Variants in DYNC1LI2 observed in about 807,000 individuals in gnomAD.
The protein encoded by DYNC1LI2 is cytoplasmic dynein 1 light intermediate chain 2.
In DYNC1LI2, 19 loss-of-function variants were observed where a neutral mutation model predicts 57.8. The observed-to-expected ratio is 0.33, with a 90% CI of 0.23 to 0.48. The LOEUF (loss-of-function observed/expected upper bound fraction) is 0.48. Ranked by LOEUF, DYNC1LI2 falls within the 20% of genes least tolerant of loss-of-function variation. The probability of loss-of-function intolerance (pLI) is 0.99; values close to 1 mark genes in which losing one functional copy is unlikely to be tolerated. For synonymous variants in DYNC1LI2, 256 were observed against 233.4 expected, an observed-to-expected ratio of 1.10 and a Z score of -0.88; for missense variants, 470 against 604.2, an observed-to-expected ratio of 0.78 and a Z score of 2.33.
Position 66,722,787 on chromosome 16 carries a change from C to G in DYNC1LI2, c.*935G>C, listed in dbSNP as rs942314141. 3 of 152,982 alleles carry G rather than the reference C, an allele frequency of 2.0e-5. No homozygotes were observed. Among genetic ancestry groups the G allele is most frequent in the African/African-American group, 7.2e-5 (3 of 41,418 alleles). The allele number at this position is 152,982 out of a possible 1,614,324, so 9.5% of individuals were successfully genotyped here. A position where few individuals can be genotyped will look rare whatever the true frequency, so the allele number is the denominator to read the frequency against. On this transcript the variant is annotated 3_prime_UTR_variant, in exon 13 of 13. Coordinates refer to ENST00000258198, the MANE Select transcript of DYNC1LI2 (RefSeq NM_006141.3). The stretch of plus-strand genomic sequence containing the variant: ...CGTGGCACATTGCATTATGGTAAAA[C>G]CAGAGGTTCATCACCTATTTTGTAT...
intron 3 of DYNC1LI2, among the ~76,000 whole-genome samples, chr16:66,744,458 T>C (rs1333302395): frequency 6.6e-6 from 1 of 152,220 alleles, no homozygotes; most frequent in African/African-American, 2.4e-5. Flanking sequence ...TTCACACAAA[T>C]GTGCAAGTGC....
At chr16:66,740,159 C>T (rs934665507) in intron 4 of DYNC1LI2, among the ~76,000 whole-genome samples, 1 of 152,148 alleles carries the variant, frequency 6.6e-6, no homozygotes, top group Admixed American at 6.5e-5. Flanking sequence ...GGGATGCTTT[C>T]CCTTTCACTC....
intron 5 of DYNC1LI2, 90 bp from the exon 6 acceptor site, chr16:66,734,401 TC>T: frequency 7.8e-7 from 1 of 1,287,750 alleles, no homozygotes; most frequent in East Asian, 2.4e-5. Flanking sequence ...GTATTGTGGC[TC>T]CAAAGAAGAA....
intron 10 of DYNC1LI2, 154 bp from the exon 11 acceptor site, chr16:66,727,959 T>C (rs899229538): frequency 6.9e-5 from 59 of 859,768 alleles, no homozygotes; most frequent in Non-Finnish European, 9.9e-5. Flanking sequence ...CTGGCTCTCT[T>C]TCTCCTGAGA....
chr16:66,723,670 A>T lies in DYNC1LI2; in HGVS notation c.*52T>A. 1 of 1,539,216 alleles carries T rather than the reference A, an allele frequency of 6.5e-7. No individual in the cohort carries two copies. Among genetic ancestry groups the T allele is most frequent in the South Asian group, 1.2e-5 (1 of 83,680 alleles). Reference sequence around the variant, plus strand: ...ATCAGAAAAATCCTGGTCTTAGCAGATCAATATACATAGTTATTTGGTCAT... The same window carrying T: ...ATCAGAAAAATCCTGGTCTTAGCAGTTCAATATACATAGTTATTTGGTCAT... On this transcript the variant is annotated 3_prime_UTR_variant, in exon 13 of 13. Transcript: ENST00000258198.
intron 5 of DYNC1LI2, among the ~76,000 whole-genome samples, chr16:66,734,638 G>A (rs1047664475): frequency 6.6e-6 from 1 of 151,972 alleles, no homozygotes; most frequent in African/African-American, 2.4e-5. Context: ...CTCAAGAACA[G>A]GATGAGAATG....
rs1482337441 is a variant in DYNC1LI2 at position 66,742,423 on chromosome 16, T to C, written c.529+15A>G. ...CTCGTGAACTTCCCAATTAAGAAAA[T>C]TATATTTTACTCACACTTCCGTTCC... On this transcript the variant is annotated intron_variant, in intron 4 of 12. Coordinates refer to ENST00000258198, the MANE Select transcript of DYNC1LI2 (RefSeq NM_006141.3). The C allele has an allele frequency of 5.6e-6, 9 of 1,609,388 alleles. No individual in the cohort carries two copies. Among genetic ancestry groups the C allele is most frequent in the Non-Finnish European group, 7.6e-6 (9 of 1,177,064 alleles).
chr16:66,747,943 C>A (rs1472725875), intron 3 of DYNC1LI2, among the ~76,000 whole-genome samples: 2 of 152,112 alleles, frequency 1.3e-5, no homozygotes, highest in Admixed American at 1.3e-4. Context: ...AAAAACCAAC[C>A]AACCAACCAA....
rs936400734 is a variant in DYNC1LI2 at position 66,721,775 on chromosome 16, G to A, written c.*1947C>T. ...ATCAGTTCAAATGATAAAAAATAAA[G>A]ACAAATTAAAATTTTGCATTAAAAT... On this transcript the variant is annotated 3_prime_UTR_variant, in exon 13 of 13. Transcript: ENST00000258198. The A allele has an allele frequency of 6.6e-6, 1 of 152,538 alleles. No homozygotes were observed. Among genetic ancestry groups the A allele is most frequent in the Non-Finnish European group, 1.5e-5 (1 of 68,022 alleles). The allele number at this position is 152,538 out of a possible 1,614,324, so 9.4% of individuals were successfully genotyped here. A position where few individuals can be genotyped will look rare whatever the true frequency, so the allele number is the denominator to read the frequency against.
Position 66,751,356 on chromosome 16 carries a change from C to T in DYNC1LI2, c.108-10G>A, listed in dbSNP as rs752679122. The T allele has an allele frequency of 6.2e-7, 1 of 1,611,058 alleles. No homozygotes were observed. Among genetic ancestry groups the T allele is most frequent in the East Asian group, 2.2e-5 (1 of 44,556 alleles). ...GCTCAGAATGGAGGACCTGTGGCGA[C>T]AATGGCAAGAGTGGTCAGCCCCGGG... On this transcript the variant is annotated splice_polypyrimidine_tract_variant and intron_variant, in intron 1 of 12. Coordinates refer to ENST00000258198, the MANE Select transcript of DYNC1LI2 (RefSeq NM_006141.3). This position sits in a 1 kb window ranked among gnomAD's most constrained non-coding sequence, Gnocchi z 5.2.
At chr16:66,729,571 GTTTTTTTT>G (rs11310483) in intron 8 of DYNC1LI2, among the ~76,000 whole-genome samples, 1 of 93,698 alleles carries the variant, frequency 1.1e-5, no homozygotes, top group Non-Finnish European at 2.0e-5. Flanking sequence ...TTTCTTTATA[GTTTTTTTT>G]TTTTTTTTTT....
chr16:66,743,541 A>G (rs960806685), intron 3 of DYNC1LI2, among the ~76,000 whole-genome samples: 3 of 136,340 alleles, frequency 2.2e-5, no homozygotes, highest in African/African-American at 8.5e-5. Context: ...AGCCTGGATG[A>G]CAGAGTGAGA....
chr16:66,751,577 C>G lies in DYNC1LI2; in HGVS notation c.15G>C (p.Gly5=), dbSNP rs746147200. 7.0e-6 allele frequency: 11 copies of G among 1,578,030 alleles called. No individual in the cohort carries two copies. Among genetic ancestry groups the G allele is most frequent in the Non-Finnish European group, 8.6e-6 (10 of 1,165,084 alleles). MAPV[G]VEKKLLLGPN... Reference sequence around the variant, plus strand: ...GACCTAGCAGCAGCTTCTTCTCCACCCCCACCGGCGCCATCTTGCCAACTG... The same window carrying G: ...GACCTAGCAGCAGCTTCTTCTCCACGCCCACCGGCGCCATCTTGCCAACTG... Residue 5 remains glycine (G), a synonymous_variant, in exon 1 of 13, where the codon GGG becomes GGC. Coordinates refer to ENST00000258198, the MANE Select transcript of DYNC1LI2 (RefSeq NM_006141.3). The surrounding 1 kb of genome is among the most constrained non-coding windows in gnomAD (Gnocchi z 5.2).
chr16:66,725,780 A>G (rs769380675), intron 12 of DYNC1LI2, 48 bp downstream of exon 12: 1 of 1,579,444 alleles, frequency 6.3e-7, no homozygotes, highest in African/African-American at 1.4e-5. Flanking sequence ...CCATCCTTGC[A>G]GCACTACTCA....
At chr16:66,725,244 C>T (rs2017517720) in intron 12 of DYNC1LI2, among the ~76,000 whole-genome samples, 1 of 151,404 alleles carries the variant, frequency 6.6e-6, no homozygotes, top group East Asian at 1.9e-4. Context: ...TTTGGGAGGC[C>T]AAGATGGAGG....
chr16:66,728,290 C>T, intron 9 of DYNC1LI2, 48 bp from the exon 10 acceptor site: 1 of 1,609,674 alleles, frequency 6.2e-7, no homozygotes. Flanking sequence ...CTGCAGAGAG[C>T]ACTGAAGGTC....
intron 7 of DYNC1LI2, 176 bp downstream of exon 7, chr16:66,732,163 A>T: frequency 1.2e-6 from 1 of 846,240 alleles, no homozygotes; most frequent in Non-Finnish European, 1.7e-6. Context: ...TGACCACACC[A>T]CCCACTTCCC....
At chr16:66,732,568 T>A (rs2017657473) in intron 6 of DYNC1LI2, 94 bp from the exon 7 acceptor site, 16 of 1,381,254 alleles carry the variant, frequency 1.2e-5, no homozygotes, top group Non-Finnish European at 1.4e-5. Flanking sequence ...GTTGATCAGT[T>A]TTTGATCAAT....
At chr16:66,748,277 CAA>C (rs36186799) in intron 3 of DYNC1LI2, among the ~76,000 whole-genome samples, 892 of 66,016 alleles carry the variant, frequency 0.014, 21 homozygotes, top group African/African-American at 0.045. Flanking sequence ...AACCCTGTCT[CAA>C]AAAAAAAAAA....
Sources: allele counts gnomAD v4.1 joint callset (sites outside exome capture counted in the v4.1 genomes callset), GRCh38; gene constraint gnomAD v4.1.1; non-coding constraint Gnocchi (gnomAD v3.1); transcripts MANE v1.5; gene names NCBI Gene and HGNC (gene_info 2026-07-23, HGNC 2026-07-21).